Variants in NTAQ1 observed in about 807,000 individuals in gnomAD.
NTAQ1 encodes N-terminal glutamine amidase 1.
A neutral mutation model predicts 28.2 loss-of-function variants in NTAQ1; 21 were observed. That is an observed-to-expected ratio of 0.74 (90% CI 0.53 to 1.07). The LOEUF is 1.07. Ranked by LOEUF, NTAQ1 falls within the 50% of genes least tolerant of loss-of-function variation. NTAQ1 has a pLI of 0.00. For missense variants in NTAQ1, 264 were observed against 256.6 expected (o/e 1.03, Z -0.20); for synonymous variants, 105 against 90.0 (o/e 1.17, Z -0.94).
chr8:123,425,036 A>G (rs1201744446), intron 1 of NTAQ1, among the ~76,000 whole-genome samples: 1 of 152,196 alleles, frequency 6.6e-6, no homozygotes, highest in African/African-American at 2.4e-5. Flanking sequence ...CATTTAGATT[A>G]AGGAAATTTT....
At chr8:123,427,805 G>T in intron 1 of NTAQ1, 119 bp from the exon 2 acceptor site, 2 of 751,610 alleles carry the variant, frequency 2.7e-6, no homozygotes, top group Non-Finnish European at 2.2e-6. Flanking sequence ...GCCAGTTGTT[G>T]GATGACATGG....
At position 123,416,830 on chromosome 8, in the gene NTAQ1, C is replaced by A; in HGVS notation, c.-20C>A. 6.6e-7 allele frequency: 1 copy of A among 1,525,622 alleles called. No individual in the cohort carries two copies. The highest frequency in any genetic ancestry group is 8.8e-7 in the Non-Finnish European group (1 of 1,137,480). 94.5% of individuals were successfully genotyped at this position (1,525,622 alleles called of 1,614,324 possible). ...CAGTCGGTCTTCCTCCGGCCCGGGC[C>A]CTGGCCCAGCTAGCCGGCCATGGAA... is the stretch of plus-strand genomic sequence containing the variant. On this transcript the variant is annotated 5_prime_UTR_variant, in exon 1 of 6. Transcript: ENST00000287387.
At chr8:123,474,360 G>C (rs1215816781), downstream of NTAQ1, among the ~76,000 whole-genome samples, 2 of 152,150 alleles carry the variant, frequency 1.3e-5, no homozygotes, top group African/African-American at 4.8e-5. Flanking sequence ...CTTGTAGAAT[G>C]CCCTCCAATT....
chr8:123,443,828 C>G (rs555967130), downstream of NTAQ1, among the ~76,000 whole-genome samples: 1 of 152,170 alleles, frequency 6.6e-6, no homozygotes, highest in Non-Finnish European at 1.5e-5. Flanking sequence ...CCACCTCGGC[C>G]TCTGAAAGTG....
At chr8:123,429,918 A>G in intron 2 of NTAQ1, 65 bp from the exon 3 acceptor site, 1 of 1,167,924 alleles carries the variant, frequency 8.6e-7, no homozygotes, top group Non-Finnish European at 1.2e-6. Context: ...AAAAAAAAAA[A>G]AGGAAAATAA....
intron 5 of NTAQ1, among the ~76,000 whole-genome samples, chr8:123,439,914 A>G (rs1420593135): frequency 6.6e-6 from 1 of 151,996 alleles, no homozygotes; most frequent in Non-Finnish European, 1.5e-5. Flanking sequence ...AAATTGCACC[A>G]CTGCACTCTA....
exon 7 of NTAQ1, chr8:123,467,232 C>T (rs1815980051): frequency 6.6e-6 from 1 of 151,778 alleles, no homozygotes; most frequent in African/African-American, 2.4e-5. Flanking sequence ...GATGGGGTTC[C>T]GCCATGTTGG....
At chr8:123,456,036 C>A (rs1000067192) in intron 6 of NTAQ1, among the ~76,000 whole-genome samples, 5 of 152,106 alleles carry the variant, frequency 3.3e-5, no homozygotes, top group Admixed American at 3.3e-4. Context: ...TCTCCAATCT[C>A]TGGATTTTAA....
intron 3 of NTAQ1, among the ~76,000 whole-genome samples, chr8:123,432,923 G>A (rs191939333): frequency 5.1e-4 from 78 of 152,110 alleles, no homozygotes; most frequent in Admixed American, 9.8e-4. Flanking sequence ...CAAGTGATCC[G>A]CCCGCCTCGG....
At chr8:123,418,916 A>G (rs1813483935) in intron 1 of NTAQ1, among the ~76,000 whole-genome samples, 1 of 152,134 alleles carries the variant, frequency 6.6e-6, no homozygotes, top group South Asian at 2.1e-4. Flanking sequence ...AGATACTGTT[A>G]GCACCCTAGC....
At chr8:123,458,783 G>A (rs1459756223) in intron 6 of NTAQ1, among the ~76,000 whole-genome samples, 4 of 151,838 alleles carry the variant, frequency 2.6e-5, no homozygotes, top group Non-Finnish European at 5.9e-5. Flanking sequence ...AGCACGCCCG[G>A]CTAATTTTTT....
At chr8:123,460,882 C>G (rs930663843) in intron 6 of NTAQ1, among the ~76,000 whole-genome samples, 17 of 152,196 alleles carry the variant, frequency 1.1e-4, no homozygotes, top group African/African-American at 4.1e-4. Flanking sequence ...CATGCGCCAG[C>G]ATCCAGAGAT....
intron 6 of NTAQ1, among the ~76,000 whole-genome samples, chr8:123,463,686 C>A (rs1173889462): frequency 2.0e-5 from 3 of 152,016 alleles, no homozygotes; most frequent in African/African-American, 7.3e-5. Context: ...TGTATGGAGG[C>A]AGTTTATTGG....
At chr8:123,467,672 G>A (rs375762679) in exon 7 of NTAQ1, among the ~76,000 whole-genome samples, 131 of 152,332 alleles carry the variant, frequency 8.6e-4, no homozygotes, top group African/African-American at 2.8e-3. Context: ...CTGTAGAATT[G>A]TGAGCAAGGA....
intron 5 of NTAQ1, among the ~76,000 whole-genome samples, chr8:123,438,389 C>T (rs1459849332): frequency 6.6e-6 from 1 of 152,128 alleles, no homozygotes; most frequent in Non-Finnish European, 1.5e-5. Flanking sequence ...AGCGTGGTGG[C>T]TTATGCCTGT....
Position 123,416,940 on chromosome 8 carries a change from G to A in NTAQ1, c.83+8G>A, listed in dbSNP as rs1339112594. On this transcript the variant is annotated splice_region_variant and intron_variant, in intron 1 of 5. Transcript: ENST00000287387. The stretch of plus-strand genomic sequence containing the variant: ...CTACAGCAGCTGCTACTGGTGAGGG[G>A]GCGCGGGCGCAGCCTCTGGGTCTCC... The A allele has an allele frequency of 1.3e-6, 2 of 1,481,646 alleles. No homozygotes were observed. Among genetic ancestry groups the A allele is most frequent in the African/African-American group, 1.4e-5 (1 of 69,052 alleles). 91.8% of individuals were successfully genotyped at this position (1,481,646 alleles called of 1,614,324 possible). A position where few individuals can be genotyped will look rare whatever the true frequency, so the allele number is the denominator to read the frequency against.
chr8:123,460,683 C>T (rs1815797113), intron 6 of NTAQ1, among the ~76,000 whole-genome samples: 1 of 152,088 alleles, frequency 6.6e-6, no homozygotes, highest in Non-Finnish European at 1.5e-5. Flanking sequence ...TTTGCAGTGT[C>T]CTTTGGCTGT....
At chr8:123,437,000 T>C (rs991753666) in intron 4 of NTAQ1, among the ~76,000 whole-genome samples, 1 of 152,212 alleles carries the variant, frequency 6.6e-6, no homozygotes, top group Non-Finnish European at 1.5e-5. Context: ...CAACCAGATA[T>C]ATTTTTGTGC....
intron 2 of NTAQ1, among the ~76,000 whole-genome samples, chr8:123,428,735 G>C (rs1266763319): frequency 6.6e-6 from 1 of 151,818 alleles, no homozygotes; most frequent in Non-Finnish European, 1.5e-5. Flanking sequence ...CAAGTAGCTG[G>C]GACTACAGGT....
Sources: gnomAD v4.1 joint callset for allele counts (sites outside exome capture counted in the v4.1 genomes callset) on GRCh38, gnomAD v4.1.1 for gene constraint, MANE v1.5 for transcripts, NCBI Gene and HGNC (gene_info 2026-07-23, HGNC 2026-07-21) for gene names.